Variants in SLC25A53 observed in about 807,000 individuals in gnomAD.
SLC25A53 encodes the protein mitochondrial carrier triple repeat protein 6.
SLC25A53 carries 5 observed loss-of-function variants against 15.0 expected under a neutral mutation model. The ratio of observed to expected loss-of-function variants is 0.33; its 90% CI spans 0.17 to 0.70. The LOEUF is 0.70. Among genes scored for constraint, SLC25A53 ranks in the 30% least tolerant of loss-of-function variants. The pLI is 0.67. For missense variants in SLC25A53, 216 were observed against 241.6 expected, an observed-to-expected ratio of 0.89 and a Z score of 0.70; for synonymous variants, 95 against 100.0, an observed-to-expected ratio of 0.95 and a Z score of 0.30.
intron 1 of SLC25A53, chrX:104,115,346 A>G (rs1556361082): frequency 8.9e-7 from 1 of 1,120,841 alleles, no homozygotes; most frequent in African/African-American, 1.8e-5. Context: ...GCCCTAAATG[A>G]GTCCTTGACT....
intron 1 of SLC25A53, among the ~76,000 whole-genome samples, chrX:104,111,330 T>C (rs1436703769): frequency 8.9e-6 from 1 of 111,764 alleles, no homozygotes; most frequent in Non-Finnish European, 1.9e-5. Context: ...CTTTGGTTAA[T>C]AGCATGAGTT....
chrX:104,127,599 AG>A (rs1556364705), intron 1 of SLC25A53, among the ~76,000 whole-genome samples: 2 of 112,170 alleles, frequency 1.8e-5, no homozygotes, highest in African/African-American at 6.5e-5. Flanking sequence ...GCGTGGTTTC[AG>A]GTACATGGGA....
intron 1 of SLC25A53, among the ~76,000 whole-genome samples, chrX:104,122,493 T>C (rs1372775144): frequency 1.8e-5 from 2 of 109,708 alleles, no homozygotes; most frequent in Non-Finnish European, 3.8e-5. Context: ...CCCTTCACCC[T>C]GGCTGAATAC....
intron 1 of SLC25A53, among the ~76,000 whole-genome samples, chrX:104,132,263 G>A (rs1478799565): frequency 1.8e-5 from 2 of 112,108 alleles, no homozygotes; most frequent in African/African-American, 3.2e-5. Context: ...CATGGGGAGA[G>A]GCACTCAAGT....
rs1425717125 is a variant in SLC25A53 at position 104,100,867 on chromosome X, C to A, written c.*3467G>T. On this transcript the variant is annotated 3_prime_UTR_variant, in exon 2 of 2. Transcript: ENST00000594199. ...GGAGTTTTCCCACACACTAAGTGAGCAATCAGTTCTGCAGCGAACACCAGC... is the reference window on the plus strand; with the variant it reads ...GGAGTTTTCCCACACACTAAGTGAGAAATCAGTTCTGCAGCGAACACCAGC... 3 of 111,843 alleles carry A rather than the reference C, an allele frequency of 2.7e-5. No individual in the cohort carries two copies. The highest frequency in any genetic ancestry group is 5.6e-5 in the Non-Finnish European group (3 of 53,238). The allele number at this position is 111,843 out of a possible 1,213,427, so 9.2% of individuals were successfully genotyped here. A position where few individuals can be genotyped will look rare whatever the true frequency, so the allele number is the denominator to read the frequency against.
rs1556355326 is a variant in SLC25A53, at chrX:104,105,036, A to C, written c.222T>G (p.Pro74=). ...EAVRQLWHEG[P]QYFYRGIYPP... ...GGTAGATTCCCCGGTAGAAGTATTG[A>C]GGACCTTCATGCCAAAGCTGTCTCA... Residue 74 remains proline, a synonymous_variant, in exon 2 of 2, where the codon CCT becomes CCG. Coordinates refer to ENST00000594199, the MANE Select transcript of SLC25A53 (RefSeq NM_001012755.5). 1 of 1,212,166 alleles carries C rather than the reference A, an allele frequency of 8.2e-7. No homozygotes were observed. The highest frequency in any genetic ancestry group is 3.0e-5 in the East Asian group (1 of 33,854).
chrX:104,125,691 G>A (rs1209151598), intron 1 of SLC25A53, among the ~76,000 whole-genome samples: 1 of 111,474 alleles, frequency 9.0e-6, no homozygotes, highest in Non-Finnish European at 1.9e-5. Context: ...GGCAGGACTT[G>A]GGCATTCAGC....
At chrX:104,118,197 T>C (rs1365744722) in intron 1 of SLC25A53, among the ~76,000 whole-genome samples, 1 of 112,391 alleles carries the variant, frequency 8.9e-6, no homozygotes, top group Non-Finnish European at 1.9e-5. Context: ...CATTTATAAT[T>C]ATTGTTTTTC....
intron 1 of SLC25A53, among the ~76,000 whole-genome samples, chrX:104,153,060 C>T (rs1036885848): frequency 4.5e-5 from 5 of 110,652 alleles, no homozygotes; most frequent in South Asian, 3.8e-4. Context: ...TTTAGGGCCA[C>T]CCCCTAAAGG....
chrX:104,115,315 C>A (rs782429799), intron 1 of SLC25A53: 7 of 1,160,311 alleles, frequency 6.0e-6, no homozygotes, highest in Non-Finnish European at 8.0e-6. Context: ...TGCTTCTGAG[C>A]CACAGTAAGG....
intron 1 of SLC25A53, among the ~76,000 whole-genome samples, chrX:104,142,149 G>A (rs1212998821): frequency 9.0e-6 from 1 of 111,098 alleles, no homozygotes; most frequent in Non-Finnish European, 1.9e-5. Context: ...GGAGGCTGAG[G>A]TGGGAGGATT....
intron 1 of SLC25A53, among the ~76,000 whole-genome samples, chrX:104,110,302 C>A (rs1378846172): frequency 9.0e-5 from 10 of 111,622 alleles, no homozygotes; most frequent in African/African-American, 3.3e-4. Context: ...CCAGCATCAC[C>A]CCTAAGTGTG....
intron 1 of SLC25A53, among the ~76,000 whole-genome samples, chrX:104,108,531 T>C (rs1602484937): frequency 9.0e-6 from 1 of 111,600 alleles, no homozygotes; most frequent in East Asian, 2.8e-4. Flanking sequence ...GGGAAGCCCT[T>C]ACTTCCACAA....
chrX:104,127,432 AT>A (rs1556364673), intron 1 of SLC25A53, among the ~76,000 whole-genome samples: 2 of 111,750 alleles, frequency 1.8e-5, no homozygotes, highest in Non-Finnish European at 3.8e-5. Flanking sequence ...TGTTAAACAA[AT>A]CTATACATGG....
At position 104,099,556 on chromosome X, in the gene SLC25A53, C is replaced by A. The variant is rs1450325102; in HGVS notation, c.*4778G>T. ...ACAGCTATCTGCAATATCAATGAGT[C>A]TCACAAGCAATGTGGAGTGAAACAA... On this transcript the variant is annotated 3_prime_UTR_variant, in exon 2 of 2. Coordinates refer to ENST00000594199, the MANE Select transcript of SLC25A53 (RefSeq NM_001012755.5). The A allele has an allele frequency of 8.9e-6, 1 of 112,294 alleles. No individual in the cohort carries two copies. The highest frequency in any genetic ancestry group is 3.7e-4 in the South Asian group (1 of 2,722). The allele number at this position is 112,294 out of a possible 1,213,427, so 9.3% of individuals were successfully genotyped here.
chrX:104,113,951 C>G (rs1843521209), intron 1 of SLC25A53: 5 of 878,932 alleles, frequency 5.7e-6, no homozygotes, highest in Non-Finnish European at 3.1e-6. Context: ...TGCTTCCCCA[C>G]AGCCCACTAT....
At position 104,113,856 on chromosome X, in the gene SLC25A53, C is replaced by T. The variant is rs781808842; in HGVS notation, c.-31-8568G>A. 7 of 376,564 alleles carry T rather than the reference C, an allele frequency of 1.9e-5. No homozygotes were observed. In the South Asian group the frequency reaches 3.2e-4, roughly 17 times the overall value. The allele number at this position is 376,564 out of a possible 1,213,427, so 31.0% of individuals were successfully genotyped here. On this transcript the variant is annotated intron_variant, in intron 1 of 1. Coordinates refer to ENST00000594199, the MANE Select transcript of SLC25A53 (RefSeq NM_001012755.5). ...GCTCTGGAATGTTGTAATTGCCAGT[C>T]TCCTGCAGGGTATTGTTAAGGCACT...
intron 1 of SLC25A53, chrX:104,112,130 T>C (rs1451361713): frequency 8.9e-6 from 1 of 112,432 alleles, no homozygotes; most frequent in Non-Finnish European, 1.9e-5. Context: ...CAGGCGCCTC[T>C]GCACACAGAA....
intron 1 of SLC25A53, among the ~76,000 whole-genome samples, chrX:104,109,195 G>T (rs2075326727): frequency 9.0e-6 from 1 of 111,279 alleles, no homozygotes; most frequent in East Asian, 2.8e-4. Flanking sequence ...TACCCCATGT[G>T]GTGAGAAGGA....
Sources: gnomAD v4.1 joint callset for allele counts (sites outside exome capture counted in the v4.1 genomes callset) on GRCh38, gnomAD v4.1.1 for gene constraint, MANE v1.5 for transcripts, NCBI Gene and HGNC (gene_info 2026-07-23, HGNC 2026-07-21) for gene names.